Variants in SMARCC1 observed in about 807,000 individuals in gnomAD.
SMARCC1 encodes the protein SWI/SNF complex subunit SMARCC1.
SMARCC1 carries 43 observed loss-of-function variants against 147.4 expected under a neutral mutation model. The ratio of observed to expected loss-of-function variants is 0.29; its 90% CI spans 0.23 to 0.38. The LOEUF (loss-of-function observed/expected upper bound fraction) is 0.38, where lower values mean the gene tolerates loss of function less well. SMARCC1 is among the 10% of genes least tolerant of loss of function. The probability of loss-of-function intolerance (pLI) is 1.00; values close to 1 mark genes in which losing one functional copy is unlikely to be tolerated. For missense variants in SMARCC1, 1,119 were observed against 1,381.1 expected (o/e 0.81, Z 3.01); for synonymous variants, 495 against 484.4 (o/e 1.02, Z -0.29).
In SMARCC1 at chr3:47,661,311, T is replaced by G. The variant is rs766655874; in HGVS notation, c.2303A>C (p.Asp768Ala). 6.2e-7 allele frequency: 1 copy of G among 1,612,030 alleles called. No homozygotes were observed. Among genetic ancestry groups the G allele is most frequent in the Admixed American group, 1.7e-5 (1 of 59,396 alleles). Residue 768 changes from aspartate (D) to alanine (A), a missense_variant, in exon 21 of 28, where the codon GAT becomes GCT. Physicochemically the swap from Asp to Ala is moderately radical, Grantham distance 126. Transcript: ENST00000254480. ...TGACTCACCAAGCTTCTCTGGCTCA[T>G]CGGGCCCTGTGCCTGCAATGCAGCT... ...ESSCIAGTGP[D>A]EPEKLEGAEE...
chr3:47,780,536 T>A (rs2035034027), intron 1 of SMARCC1, among the ~76,000 whole-genome samples: 1 of 152,144 alleles, frequency 6.6e-6, no homozygotes, highest in African/African-American at 2.4e-5. Flanking sequence ...CTGACAGGCT[T>A]CACTGAGCTG....
chr3:47,738,561 G>A (rs972521200), intron 3 of SMARCC1, among the ~76,000 whole-genome samples: 1 of 152,086 alleles, frequency 6.6e-6, no homozygotes, highest in African/African-American at 2.4e-5. Flanking sequence ...GTGCACACCT[G>A]TAATCCCAGC....
intron 26 of SMARCC1, among the ~76,000 whole-genome samples, chr3:47,595,880 A>G (rs2032270597): frequency 6.6e-6 from 1 of 151,514 alleles, no homozygotes; most frequent in Admixed American, 6.6e-5. Context: ...AACTACAGGC[A>G]CGTGCCACCA....
At chr3:47,765,228 G>GC (rs1373747095) in intron 2 of SMARCC1, among the ~76,000 whole-genome samples, 4 of 151,606 alleles carry the variant, frequency 2.6e-5, no homozygotes, top group African/African-American at 9.7e-5. Flanking sequence ...GCCAGCCTGA[G>GC]CAACAAGAGA....
intron 7 of SMARCC1, among the ~76,000 whole-genome samples, chr3:47,716,008 T>C (rs576068005): frequency 6.6e-6 from 1 of 151,220 alleles, no homozygotes; most frequent in South Asian, 2.1e-4. Flanking sequence ...TTAACCAAAA[T>C]AAAACACTGT....
chr3:47,737,822 ATTT>A (rs71070219), intron 4 of SMARCC1, among the ~76,000 whole-genome samples: 4 of 133,606 alleles, frequency 3.0e-5, no homozygotes, highest in South Asian at 2.5e-4. Flanking sequence ...CGTGCGGCTA[ATTT>A]TTTTTTTTTT....
At chr3:47,635,777 G>T (rs1041428077) in intron 23 of SMARCC1, among the ~76,000 whole-genome samples, 2 of 152,204 alleles carry the variant, frequency 1.3e-5, no homozygotes, top group Non-Finnish European at 2.9e-5. Context: ...GAAATGGGAA[G>T]TCTGTGAGGT....
intron 4 of SMARCC1, among the ~76,000 whole-genome samples, 167 bp from the exon 5 acceptor site, chr3:47,736,293 A>C (rs1245756230): frequency 6.6e-6 from 1 of 152,186 alleles, no homozygotes; most frequent in Non-Finnish European, 1.5e-5. Context: ...ACCATACCAG[A>C]TTGCCAGATT....
At position 47,663,794 on chromosome 3, in the gene SMARCC1, A is replaced by C. The variant is rs754028649; in HGVS notation, c.1900-1202T>G. ...TTGCCTGGCCACGGCGGCCGCCCTC[A>C]CCTACAGCCTCTATTCCTTCCACCG... On this transcript the variant is annotated intron_variant, in intron 19 of 27. Coordinates refer to ENST00000254480, the MANE Select transcript of SMARCC1 (RefSeq NM_003074.4). The C allele has an allele frequency of 1.3e-4, 201 of 1,581,868 alleles. No individual in the cohort carries two copies. In the Middle Eastern group the frequency reaches 2.0e-3, roughly 16 times the overall value.
intron 2 of SMARCC1, among the ~76,000 whole-genome samples, chr3:47,752,513 C>T (rs889703022): frequency 6.6e-6 from 1 of 152,132 alleles, no homozygotes; most frequent in African/African-American, 2.4e-5. Flanking sequence ...CAGCCGGATG[C>T]AGTGGCTCGC....
At chr3:47,613,658 T>A (rs2032595849) in intron 25 of SMARCC1, among the ~76,000 whole-genome samples, 1 of 152,174 alleles carries the variant, frequency 6.6e-6, no homozygotes, top group Non-Finnish European at 1.5e-5. Context: ...TGGCCAGAAC[T>A]TTTTATTTAT....
intron 22 of SMARCC1, among the ~76,000 whole-genome samples, chr3:47,638,402 AC>A (rs2033002132): frequency 6.6e-6 from 1 of 151,980 alleles, no homozygotes; most frequent in African/African-American, 2.4e-5. Flanking sequence ...AAGAACCATA[AC>A]TTTTGTATTC....
intron 21 of SMARCC1, among the ~76,000 whole-genome samples, chr3:47,643,474 G>A (rs1010401815): frequency 2.0e-5 from 3 of 151,836 alleles, no homozygotes; most frequent in Non-Finnish European, 4.4e-5. Context: ...ATGGCTACAT[G>A]CATAATGTAA....
intron 14 of SMARCC1, among the ~76,000 whole-genome samples, chr3:47,683,797 A>G (rs879873428): frequency 1.3e-5 from 2 of 152,188 alleles, no homozygotes; most frequent in Non-Finnish European, 2.9e-5. Flanking sequence ...TTTCCTGTAA[A>G]GGTACCTTAA....
chr3:47,759,622 A>C (rs1422468511), intron 2 of SMARCC1, among the ~76,000 whole-genome samples: 2 of 148,020 alleles, frequency 1.4e-5, no homozygotes, highest in African/African-American at 5.0e-5. Flanking sequence ...CCGTCTCAAA[A>C]AAAAAAAAAA....
chr3:47,617,572 A>G (rs2032664236), intron 25 of SMARCC1, among the ~76,000 whole-genome samples: 2 of 152,260 alleles, frequency 1.3e-5, no homozygotes, highest in Admixed American at 6.5e-5. Flanking sequence ...GGCATATGCC[A>G]TACTTCTCTC....
chr3:47,590,575 C>T (rs1056691500), intron 27 of SMARCC1, 86 bp downstream of exon 27: 13 of 1,207,864 alleles, frequency 1.1e-5, no homozygotes, highest in East Asian at 5.8e-5. Flanking sequence ...TGCCAAATCT[C>T]GGGGAGAGAA....
intron 27 of SMARCC1, 121 bp downstream of exon 27, chr3:47,590,540 T>C: frequency 1.2e-6 from 1 of 805,784 alleles, no homozygotes; most frequent in Non-Finnish European, 1.8e-6. Flanking sequence ...GAAGCCACTG[T>C]CACAGACTGC....
intron 1 of SMARCC1, 69 bp downstream of exon 1, chr3:47,781,534 C>G (rs921113912): frequency 2.5e-6 from 3 of 1,208,684 alleles, no homozygotes; most frequent in Non-Finnish European, 3.3e-6. Flanking sequence ...GCCCGAGGCC[C>G]GCGAGGCCAG....
Sources: allele counts gnomAD v4.1 joint callset (sites outside exome capture counted in the v4.1 genomes callset), GRCh38; gene constraint gnomAD v4.1.1; transcripts MANE v1.5; gene names NCBI Gene and HGNC (gene_info 2026-07-23, HGNC 2026-07-21).